PARP14: variants seen among roughly 807,000 people sequenced by gnomAD.
PARP14 encodes protein mono-ADP-ribosyltransferase PARP14.
Under a neutral mutation model 154.2 loss-of-function variants are expected in PARP14, and 59 were observed. The ratio of observed to expected loss-of-function variants is 0.38; its 90% CI spans 0.31 to 0.48. The LOEUF (loss-of-function observed/expected upper bound fraction) is 0.48. Among genes scored for constraint, PARP14 ranks in the 20% least tolerant of loss-of-function variants. The pLI is 0.98. For synonymous variants in PARP14, 720 were observed against 780.5 expected (o/e 0.92, Z 1.29); for missense variants, 1,734 against 2,131.6 (o/e 0.81, Z 3.67).
intron 12 of PARP14, among the ~76,000 whole-genome samples, chr3:122,717,054 A>C (rs1444938687): frequency 1.3e-5 from 2 of 152,234 alleles, no homozygotes; most frequent in African/African-American, 2.4e-5. Context: ...GCTTTGCAAA[A>C]GAGAATTTCC....
Position 122,681,062 on chromosome 3 carries a change from C to G in PARP14, c.179C>G (p.Pro60Arg). The G allele has an allele frequency of 1.2e-6, 2 of 1,608,242 alleles. No homozygotes were observed. The highest frequency in any genetic ancestry group is 8.5e-7 in the Non-Finnish European group (1 of 1,175,806). Residue 60 changes from proline to arginine, a missense_variant, in exon 1 of 17, where the codon CCG (proline) becomes CGG (arginine). Coordinates refer to ENST00000474629, the MANE Select transcript of PARP14 (RefSeq NM_017554.3). This position sits in a 1 kb window ranked among gnomAD's most constrained non-coding sequence, Gnocchi z 5.5. ...SPSRFLVFFY[P>R]EDVRQKVLER... is the part of the protein sequence containing the mutation. The stretch of plus-strand genomic sequence containing the variant: ...TCCCGCTTCCTGGTGTTCTTCTACC[C>G]GGAGGACGGTGAGGGGCGCGAGGGG...
chr3:122,682,656 C>G (rs994216730), intron 1 of PARP14, among the ~76,000 whole-genome samples: 1 of 152,196 alleles, frequency 6.6e-6, no homozygotes, highest in African/African-American at 2.4e-5. Context: ...GGGCTTCCAT[C>G]CTTGACCGGC....
intron 2 of PARP14, among the ~76,000 whole-genome samples, chr3:122,685,867 A>G (rs184132055): frequency 9.9e-4 from 151 of 152,232 alleles, no homozygotes; most frequent in Non-Finnish European, 1.7e-3. Context: ...GGGGATTATA[A>G]TAATGGTGGT....
At chr3:122,715,051 C>T (rs532835085) in intron 12 of PARP14, among the ~76,000 whole-genome samples, 5 of 151,858 alleles carry the variant, frequency 3.3e-5, no homozygotes, top group African/African-American at 1.2e-4. Context: ...GTAATGATAG[C>T]GTGATTTTTC....
In PARP14 at chr3:122,699,854, A is replaced by C; in HGVS notation, c.1300A>C (p.Ile434Leu). 1 of 1,613,966 alleles carries C rather than the reference A, an allele frequency of 6.2e-7. No individual in the cohort carries two copies. The highest frequency in any genetic ancestry group is 1.1e-5 in the South Asian group (1 of 91,090). Reference sequence around the variant, plus strand: ...GTTTGATACACTTAAGGAGATGGTAATCTTAGCAGGGAAATCAGAGGATGT... The same window carrying C: ...GTTTGATACACTTAAGGAGATGGTACTCTTAGCAGGGAAATCAGAGGATGT... ...IEFDTLKEMV[I>L]LAGKSEDVQS... The change falls in exon 6 of 17, where the codon ATC becomes CTC. Residue 434 changes from isoleucine to leucine, a missense_variant. Physicochemically the swap from Ile to Leu is conservative, Grantham distance 5. This residue lies in a region of PARP14 where 1,646 missense variants were observed against 1,976.0 expected (regional missense o/e 0.83). Coordinates refer to ENST00000474629, the MANE Select transcript of PARP14 (RefSeq NM_017554.3).
At position 122,729,184 on chromosome 3, in the gene PARP14, T is replaced by C. The variant is rs1346394254; in HGVS notation, c.*587T>C. ...GTAGGAACTATCTCTTTAACATTCT[T>C]GACTCACTATCACTTTACCTCAAAT... On this transcript the variant is annotated 3_prime_UTR_variant, in exon 17 of 17. Transcript: ENST00000474629. 1 of 153,094 alleles carries C rather than the reference T, an allele frequency of 6.5e-6. No individual in the cohort carries two copies. The highest frequency in any genetic ancestry group is 1.5e-5 in the Non-Finnish European group (1 of 68,682). The allele number at this position is 153,094 out of a possible 1,614,324, so 9.5% of individuals were successfully genotyped here. A position where few individuals can be genotyped will look rare whatever the true frequency, so the allele number is the denominator to read the frequency against.
chr3:122,687,097 A>C lies in PARP14; in HGVS notation c.339A>C (p.Glu113Asp). The C allele has an allele frequency of 6.3e-7, 1 of 1,594,704 alleles. No homozygotes were observed. Among genetic ancestry groups the C allele is most frequent in the South Asian group, 1.1e-5 (1 of 88,332 alleles). ...TGTTTCAGGAATCCAAGACCAAAGA[A>C]GATGTTAAAGAACCAGGTAAAATCT... The part of the protein sequence containing the change: ...ELLTKESKTK[E>D]DVKEPDVSEE... Residue 113 changes from glutamate (E) to aspartate (D), a missense_variant, in exon 3 of 17, where the codon GAA (glutamate) becomes GAC (aspartate). By Grantham distance (45) the Glu-to-Asp change is conservative. Transcript: ENST00000474629.
intron 10 of PARP14, 71 bp downstream of exon 10, chr3:122,713,644 C>A: frequency 7.1e-7 from 1 of 1,410,582 alleles, no homozygotes; most frequent in Non-Finnish European, 9.8e-7. Context: ...TATAGCCAAA[C>A]TGGTTTTTAG....
At chr3:122,721,741 T>A (rs367912522) in intron 15 of PARP14, 3 of 152,246 alleles carry the variant, frequency 2.0e-5, no homozygotes, top group African/African-American at 7.2e-5. Context: ...TGATCCACCA[T>A]AAGTCTGCCA....
chr3:122,683,678 A>G (rs924750134), intron 1 of PARP14, among the ~76,000 whole-genome samples: 1 of 152,220 alleles, frequency 6.6e-6, no homozygotes, highest in African/African-American at 2.4e-5. Flanking sequence ...TCAGAGTTTC[A>G]GCTTTTTCCT....
chr3:122,717,557 A>C (rs1296809706), intron 12 of PARP14, among the ~76,000 whole-genome samples: 1 of 152,248 alleles, frequency 6.6e-6, no homozygotes, highest in African/African-American at 2.4e-5. Context: ...TGGGTGTCTT[A>C]CTAAATTTTG....
chr3:122,705,714 T>C (rs1939133356), intron 8 of PARP14, among the ~76,000 whole-genome samples: 1 of 152,250 alleles, frequency 6.6e-6, no homozygotes, highest in South Asian at 2.1e-4. Flanking sequence ...AAGAGATACC[T>C]GTGGATCATT....
At position 122,694,016 on chromosome 3, in the gene PARP14, T is replaced by G. The variant is rs142697472; in HGVS notation, c.599-1410T>G. Among the ~76,000 whole-genome samples, 54 of 152,374 alleles carry G rather than the reference T, an allele frequency of 3.5e-4. No homozygotes were observed. In the East Asian group the frequency reaches 0.01, roughly 29 times the overall value. On this transcript the variant is annotated intron_variant, in intron 4 of 16. Coordinates refer to ENST00000474629, the MANE Select transcript of PARP14 (RefSeq NM_017554.3). ...GTTCATCGATCAGAATCTTGAATGC[T>G]TAATATGTGCCAGGCACTGGTCTAG...
intron 5 of PARP14, among the ~76,000 whole-genome samples, 153 bp downstream of exon 5, chr3:122,695,815 C>T (rs1429354780): frequency 1.3e-5 from 2 of 152,094 alleles, no homozygotes; most frequent in Non-Finnish European, 2.9e-5. Flanking sequence ...CGATATGATG[C>T]TTAATAAGGC....
chr3:122,723,430 A>G (rs552152826), intron 15 of PARP14, among the ~76,000 whole-genome samples: 7 of 152,168 alleles, frequency 4.6e-5, no homozygotes, highest in Non-Finnish European at 8.8e-5. Context: ...AGCCAATTGT[A>G]TTGTAGAATG....
chr3:122,694,278 C>T (rs1428929151), intron 4 of PARP14, among the ~76,000 whole-genome samples: 1 of 152,166 alleles, frequency 6.6e-6, no homozygotes, highest in African/African-American at 2.4e-5. Flanking sequence ...ATCTGCTTGA[C>T]ATAGATCTTT....
At chr3:122,712,655 G>A (rs1044101088) in intron 9 of PARP14, among the ~76,000 whole-genome samples, 6 of 151,922 alleles carry the variant, frequency 3.9e-5, no homozygotes, top group African/African-American at 1.2e-4. Context: ...GGGGGCTCAG[G>A]TGATCCTCCT....
chr3:122,727,896 A>G lies in PARP14; in HGVS notation c.5026A>G (p.Asn1676Asp). The G allele has an allele frequency of 6.2e-7, 1 of 1,613,780 alleles. No homozygotes were observed. The stretch of plus-strand genomic sequence containing the variant: ...GGATGCCAAGAATGGCCAGACAATG[A>G]ATGAGAAGCAACTCTTCCATGGGAC... ...TMDAKNGQTM[N>D]EKQLFHGTDA... The change falls in exon 16 of 17, where the codon AAT becomes GAT. Residue 1676 changes from asparagine to aspartate, a missense_variant. By Grantham distance (23) the Asn-to-Asp change is conservative (BLOSUM62 1). Coordinates refer to ENST00000474629, the MANE Select transcript of PARP14 (RefSeq NM_017554.3).
intron 15 of PARP14, among the ~76,000 whole-genome samples, chr3:122,722,949 T>TC (rs1198176265): frequency 1.0e-4 from 15 of 142,948 alleles, no homozygotes; most frequent in South Asian, 4.6e-4. Flanking sequence ...TTTTTTTTTT[T>TC]CCCCGAGACG....
Sources: gnomAD v4.1 joint callset for allele counts (sites outside exome capture counted in the v4.1 genomes callset) on GRCh38, gnomAD v4.1.1 for gene constraint, gnomAD v4.1.1 regional missense constraint, Gnocchi (gnomAD v3.1) non-coding constraint, MANE v1.5 for transcripts, NCBI Gene and HGNC (gene_info 2026-07-23, HGNC 2026-07-21) for gene names.